The following TMEM259 variants were observed in gnomAD, a reference collection of about 807,000 sequenced individuals.
The protein encoded by TMEM259 is membralin.
Under a neutral mutation model 46.7 loss-of-function variants are expected in TMEM259, and 26 were observed. The ratio of observed to expected loss-of-function variants is 0.56; its 90% CI spans 0.41 to 0.77. The LOEUF (loss-of-function observed/expected upper bound fraction) is 0.77, where lower values mean the gene tolerates loss of function less well. TMEM259 is among the 30% of genes least tolerant of loss of function. The probability of loss-of-function intolerance (pLI) is 0.00; values close to 1 mark genes in which losing one functional copy is unlikely to be tolerated. For synonymous variants in TMEM259, 494 were observed against 395.1 expected (o/e 1.25, Z -2.97); for missense variants, 930 against 900.5 (o/e 1.03, Z -0.42).
chr19:1,014,522 C>A (rs80147630), intron 1 of TMEM259, 49 bp from the exon 2 acceptor site: 2 of 1,577,692 alleles, frequency 1.3e-6, no homozygotes, highest in South Asian at 2.3e-5. Context: ...CAGCTGCAGC[C>A]GACACCCAAG....
chr19:1,016,211 GA>G (rs2039107295), intron 1 of TMEM259, among the ~76,000 whole-genome samples: 2 of 152,166 alleles, frequency 1.3e-5, no homozygotes, highest in African/African-American at 4.8e-5. Context: ...TGGGCGGGGG[GA>G]GGGGGCAGGG....
rs1481662923 is a variant in TMEM259 at position 1,020,139 on chromosome 19, G to A, written c.225+633C>T. ...GGGGATGGGGTGGTACGCTGCTGCCGGTGACTTTGCCGCTAACCCTAGCGA... is the reference window on the plus strand; with the variant it reads ...GGGGATGGGGTGGTACGCTGCTGCCAGTGACTTTGCCGCTAACCCTAGCGA... On this transcript the variant is annotated intron_variant, in intron 1 of 10. Transcript: ENST00000356663. The surrounding 1 kb of genome is among the most constrained non-coding windows in gnomAD (Gnocchi z 4.0). 2.0e-5 allele frequency among the ~76,000 whole-genome samples: 3 copies of A among 152,094 alleles called. No homozygotes were observed. Among genetic ancestry groups the A allele is most frequent in the Admixed American group, 1.3e-4 (2 of 15,262 alleles).
Position 1,009,838 on chromosome 19 carries a change from A to T in TMEM259, c.*512T>A, listed in dbSNP as rs1015977053. 5.1e-5 allele frequency: 22 copies of T among 429,900 alleles called. No homozygotes were observed. The highest frequency in any genetic ancestry group is 8.6e-5 in the Non-Finnish European group (21 of 245,530). 26.6% of individuals were successfully genotyped at this position (429,900 alleles called of 1,614,324 possible). A position where few individuals can be genotyped will look rare whatever the true frequency, so the allele number is the denominator to read the frequency against. On this transcript the variant is annotated 3_prime_UTR_variant, in exon 11 of 11. Coordinates refer to ENST00000356663, the MANE Select transcript of TMEM259 (RefSeq NM_001033026.2). ...CCACTGATGTTGGCGCCTGCACCCC[A>T]CGTCCCTATGCCCGAGGCGCAAGCT...
chr19:1,018,370 G>A (rs915978360), intron 1 of TMEM259, among the ~76,000 whole-genome samples: 1 of 152,224 alleles, frequency 6.6e-6, no homozygotes, highest in Admixed American at 6.5e-5. Flanking sequence ...GCTCAGAGCT[G>A]GGAGATCCTG....
chr19:1,016,405 C>G (rs546786837), intron 1 of TMEM259, among the ~76,000 whole-genome samples: 1 of 152,354 alleles, frequency 6.6e-6, no homozygotes, highest in South Asian at 2.1e-4. Context: ...GACCCCACAG[C>G]CCCTCGGCTC....
chr19:1,016,826 C>G (rs1228958397), intron 1 of TMEM259, among the ~76,000 whole-genome samples: 2 of 152,184 alleles, frequency 1.3e-5, no homozygotes, highest in Non-Finnish European at 2.9e-5. Flanking sequence ...CATCCTGCCA[C>G]ACCCAGCACT....
At chr19:1,012,299 C>T in intron 4 of TMEM259, 111 bp from the exon 5 acceptor site, 2 of 1,505,972 alleles carry the variant, frequency 1.3e-6, no homozygotes, top group Non-Finnish European at 1.8e-6. Flanking sequence ...CCTGCCCATT[C>T]TTAGGAAACC....
At chr19:1,014,596 C>T in intron 1 of TMEM259, 123 bp from the exon 2 acceptor site, 1 of 1,160,132 alleles carries the variant, frequency 8.6e-7, no homozygotes, top group Non-Finnish European at 1.2e-6. Flanking sequence ...GGAAGGAAAC[C>T]CCAGAAGCCG....
Position 1,021,092 on chromosome 19 carries a change from T to C in TMEM259, c.-96A>G, listed in dbSNP as rs373777090. On this transcript the variant is annotated 5_prime_UTR_variant, in exon 1 of 11. Transcript: ENST00000356663. ...CGCAGCCGCCGCTCTCCTCACGGCC[T>C]CCCGGCCGCCGCCGCCATCTTCCGC... 53,778 of 1,186,072 alleles carry C rather than the reference T, an allele frequency of 0.045. 1,299 individuals carry two copies. Among genetic ancestry groups the C allele is most frequent in the South Asian group, 0.062 (2,641 of 42,528 alleles). The allele number at this position is 1,186,072 out of a possible 1,614,324, so 73.5% of individuals were successfully genotyped here.
At chr19:1,016,985 C>T (rs1299501138) in intron 1 of TMEM259, among the ~76,000 whole-genome samples, 1 of 152,210 alleles carries the variant, frequency 6.6e-6, no homozygotes. Flanking sequence ...ATCAGGTGCT[C>T]CGTGCTGACC....
chr19:1,014,409 C>A lies in TMEM259; in HGVS notation c.290G>T (p.Cys97Phe). ...HIVFSRSPIN[C>F]LEHVRDKWPR... ...CCACTTGTCACGCACATGCTCCAGG[C>A]AGTTGATGGGCGAGCGGGAGAAGAC... The change falls in exon 2 of 11, where the codon TGC becomes TTC. Residue 97 changes from cysteine to phenylalanine, a missense_variant. Coordinates refer to ENST00000356663, the MANE Select transcript of TMEM259 (RefSeq NM_001033026.2). 1 of 1,612,608 alleles carries A rather than the reference C, an allele frequency of 6.2e-7. No homozygotes were observed. The highest frequency in any genetic ancestry group is 8.5e-7 in the Non-Finnish European group (1 of 1,179,874).
At position 1,010,459 on chromosome 19, in the gene TMEM259, G is replaced by A. The variant is rs986069458; in HGVS notation, c.1754C>T (p.Pro585Leu). 5.8e-6 allele frequency: 9 copies of A among 1,540,242 alleles called. No homozygotes were observed. The East Asian group carries it at 2.2e-4, about 38-fold the overall frequency. ...GLPHAPQDSV[P>L]PSDSAASDTT... is the part of the protein sequence containing the mutation. ...GTCAGAAGCTGCGGAGTCACTCGGG[G>A]GGACACTGTCCTGGGGGGCGTGGGG... The change falls in exon 11 of 11, where the codon CCC (proline) becomes CTC (leucine). Residue 585 changes from proline (P) to leucine (L), a missense_variant. Coordinates refer to ENST00000356663, the MANE Select transcript of TMEM259 (RefSeq NM_001033026.2).
In TMEM259 at chr19:1,010,640, C is replaced by T; in HGVS notation, c.1573G>A (p.Ala525Thr). 6.5e-7 allele frequency: 1 copy of T among 1,543,200 alleles called. No individual in the cohort carries two copies. Among genetic ancestry groups the T allele is most frequent in the Non-Finnish European group, 8.7e-7 (1 of 1,148,396 alleles). The change falls in exon 11 of 11, where the codon GCC becomes ACC. Residue 525 changes from alanine (A) to threonine (T), a missense_variant. By Grantham distance (58) the Ala-to-Thr change is moderately conservative. Transcript: ENST00000356663. ...PVAAAPSSLV[A>T]AAASVAAAAG... ...GCTGCTGCCACTGAGGCTGCCGCGGCCACCAGGGAGCTGGGCGCCGCTGCC... is the reference window on the plus strand; with the variant it reads ...GCTGCTGCCACTGAGGCTGCCGCGGTCACCAGGGAGCTGGGCGCCGCTGCC...
In TMEM259 at chr19:1,010,661, C is replaced by T; in HGVS notation, c.1552G>A (p.Ala518Thr). The T allele has an allele frequency of 6.5e-7, 1 of 1,536,946 alleles. No homozygotes were observed. The highest frequency in any genetic ancestry group is 8.7e-7 in the Non-Finnish European group (1 of 1,146,598). The part of the protein sequence containing the change: ...GASGSPGPVA[A>T]APSSLVAAAA... The stretch of plus-strand genomic sequence containing the variant: ...GCGGCCACCAGGGAGCTGGGCGCCG[C>T]TGCCACAGGCCCGGGACTCCCGCTG... Residue 518 changes from alanine to threonine, a missense_variant, in exon 11 of 11, where the codon GCG (alanine) becomes ACG (threonine). Physicochemically the swap from Ala to Thr is moderately conservative, Grantham distance 58 (BLOSUM62 0). Transcript: ENST00000356663.
chr19:1,010,584 C>T lies in TMEM259; in HGVS notation c.1629G>A (p.Glu543=). 6.4e-7 allele frequency: 1 copy of T among 1,551,090 alleles called. No homozygotes were observed. Among genetic ancestry groups the T allele is most frequent in the Non-Finnish European group, 8.7e-7 (1 of 1,149,152 alleles). ...AAGGDLGWMA[E]TAAIITDASF... ...AGGCGTCTGTGATGATGGCAGCGGT[C>T]TCTGCCATCCAACCCAGGTCACCAC... The change falls in exon 11 of 11, where the codon GAG becomes GAA. Residue 543 remains glutamate, a synonymous_variant. Transcript: ENST00000356663.
At chr19:1,017,051 C>A (rs1223324634) in intron 1 of TMEM259, among the ~76,000 whole-genome samples, 1 of 152,286 alleles carries the variant, frequency 6.6e-6, no homozygotes, top group Non-Finnish European at 1.5e-5. Context: ...CCCCACTGGA[C>A]AAGGCCCGTT....
At chr19:1,013,563 C>A in intron 2 of TMEM259, 1 of 515,450 alleles carries the variant, frequency 1.9e-6, no homozygotes. Context: ...AGCTCTGAAT[C>A]CTGAAGCTGA....
In TMEM259 at chr19:1,010,259, G is replaced by A. The variant is rs915806255; in HGVS notation, c.*91C>T. 2 of 1,216,058 alleles carry A rather than the reference G, an allele frequency of 1.6e-6. No homozygotes were observed. The highest frequency in any genetic ancestry group is 2.9e-5 in the East Asian group (1 of 34,482). 75.3% of individuals were successfully genotyped at this position (1,216,058 alleles called of 1,614,324 possible). On this transcript the variant is annotated 3_prime_UTR_variant, in exon 11 of 11. Transcript: ENST00000356663. ...CCCCGACACAGGCTGGGCAGTCCCAGAGGAAGGAGGTGGCTGGCCTCCCCC... is the reference window on the plus strand; with the variant it reads ...CCCCGACACAGGCTGGGCAGTCCCAAAGGAAGGAGGTGGCTGGCCTCCCCC...
intron 1 of TMEM259, among the ~76,000 whole-genome samples, chr19:1,018,945 A>AC (rs985118358): frequency 8.6e-5 from 13 of 151,306 alleles, no homozygotes; most frequent in Non-Finnish European, 8.8e-5. Context: ...CCGAGATCAA[A>AC]CCACTGCACT....
Sources: allele counts gnomAD v4.1 joint callset (sites outside exome capture counted in the v4.1 genomes callset), GRCh38; gene constraint gnomAD v4.1.1; non-coding constraint Gnocchi (gnomAD v3.1); transcripts MANE v1.5; gene names NCBI Gene and HGNC (gene_info 2026-07-23, HGNC 2026-07-21).